Variants in SLC14A2 observed in about 807,000 individuals in gnomAD.
The protein encoded by SLC14A2 is urea transporter 2.
Under a neutral mutation model 104.6 loss-of-function variants are expected in SLC14A2, and 91 were observed. The ratio of observed to expected loss-of-function variants is 0.87; its 90% confidence interval spans 0.73 to 1.04. The LOEUF (loss-of-function observed/expected upper bound fraction) is 1.04. SLC14A2 is among the 50% of genes least tolerant of loss of function. SLC14A2 has a pLI of 0.00. For synonymous variants in SLC14A2, 476 were observed against 466.4 expected (o/e 1.02, Z -0.27); for missense variants, 1,189 against 1,156.0 (o/e 1.03, Z -0.41).
intron 1 of SLC14A2, among the ~76,000 whole-genome samples, chr18:45,446,502 C>A (rs2086772678): frequency 6.6e-6 from 1 of 152,170 alleles, no homozygotes; most frequent in Admixed American, 6.5e-5. Flanking sequence ...GACTTCCAGC[C>A]ACCAGAACTG....
intron 1 of SLC14A2, among the ~76,000 whole-genome samples, chr18:45,255,125 CA>C (rs1161278942): frequency 6.6e-6 from 1 of 152,154 alleles, no homozygotes; most frequent in Non-Finnish European, 1.5e-5. Flanking sequence ...CTTCTTTTCC[CA>C]TTCCCCCCGA....
intron 1 of SLC14A2, among the ~76,000 whole-genome samples, chr18:45,237,370 T>C (rs951399900): frequency 6.6e-6 from 1 of 152,140 alleles, no homozygotes; most frequent in Non-Finnish European, 1.5e-5. Flanking sequence ...AGGTGAGATA[T>C]AGATTCTAGG....
At chr18:45,514,519 A>G (rs965082153) in intron 2 of SLC14A2, among the ~76,000 whole-genome samples, 1 of 152,186 alleles carries the variant, frequency 6.6e-6, no homozygotes, top group Non-Finnish European at 1.5e-5. Context: ...GAGCTAGAAA[A>G]TCACTTAAAA....
intron 2 of SLC14A2, among the ~76,000 whole-genome samples, chr18:45,593,192 CTGTA>C (rs775493522): frequency 1.3e-5 from 2 of 152,084 alleles, no homozygotes. Context: ...GTGGCGGCGC[CTGTA>C]GTCCCAGCTA....
intron 1 of SLC14A2, among the ~76,000 whole-genome samples, chr18:45,328,900 G>A (rs1022719487): frequency 3.9e-5 from 6 of 152,136 alleles, no homozygotes; most frequent in East Asian, 3.8e-4. Context: ...TGCGAATCCC[G>A]CCCTAGATTT....
At chr18:45,614,074 C>A (rs2045019264), upstream of SLC14A2, among the ~76,000 whole-genome samples, 1 of 152,230 alleles carries the variant, frequency 6.6e-6, no homozygotes, top group South Asian at 2.1e-4. Flanking sequence ...GGTCCAGGGC[C>A]CCACTACTGC....
the SLC14A2 span, among the ~76,000 whole-genome samples, chr18:45,203,067 A>G: frequency 6.6e-6 from 1 of 152,174 alleles, no homozygotes; most frequent in Non-Finnish European, 1.5e-5. Context: ...CAAAATAATC[A>G]GGTCCTCACA....
At chr18:45,579,416 T>C (rs1267113568) in intron 2 of SLC14A2, among the ~76,000 whole-genome samples, 3 of 152,048 alleles carry the variant, frequency 2.0e-5, no homozygotes, top group East Asian at 3.9e-4. Context: ...ATCAATAGGG[T>C]TGGGGATGGT....
At chr18:45,505,222 A>G (rs1055680709) in intron 2 of SLC14A2, among the ~76,000 whole-genome samples, 1 of 152,128 alleles carries the variant, frequency 6.6e-6, no homozygotes, top group Admixed American at 6.5e-5. Context: ...CCAGTGTCTT[A>G]CATGCCTCAC....
chr18:45,527,287 G>C (rs1010767096), intron 2 of SLC14A2, among the ~76,000 whole-genome samples: 1 of 152,128 alleles, frequency 6.6e-6, no homozygotes, highest in South Asian at 2.1e-4. Context: ...CTCAGCTCCC[G>C]AGATGACGCT....
chr18:45,190,188 TC>T, the SLC14A2 span, among the ~76,000 whole-genome samples: 1 of 152,220 alleles, frequency 6.6e-6, no homozygotes, highest in African/African-American at 2.4e-5. Context: ...TGTTGACCTT[TC>T]TTCTTTAGTA....
intron 1 of SLC14A2, among the ~76,000 whole-genome samples, chr18:45,476,614 C>A (rs1237577978): frequency 6.6e-6 from 1 of 152,182 alleles, no homozygotes; most frequent in African/African-American, 2.4e-5. Flanking sequence ...CTTTCAGGTA[C>A]ACCAGTCAAA....
intron 1 of SLC14A2, among the ~76,000 whole-genome samples, chr18:45,475,642 GATATAT>G (rs137928157): frequency 0.068 from 3,334 of 48,754 alleles, 156 homozygotes; most frequent in Admixed American, 0.24. Context: ...ATATATTTAG[GATATAT>G]ATATATATAT....
chr18:45,458,436 CG>C (rs2086983685), intron 1 of SLC14A2, among the ~76,000 whole-genome samples: 1 of 152,094 alleles, frequency 6.6e-6, no homozygotes, highest in Non-Finnish European at 1.5e-5. Context: ...ACCCCACACT[CG>C]GGGTAACACT....
At chr18:45,341,422 C>T (rs1186276880) in intron 1 of SLC14A2, among the ~76,000 whole-genome samples, 2 of 152,138 alleles carry the variant, frequency 1.3e-5, no homozygotes, top group African/African-American at 4.8e-5. Context: ...AGAAAGTTCC[C>T]AGCTGAGGTT....
At chr18:45,225,753 T>C (rs1225934054) in intron 1 of SLC14A2, among the ~76,000 whole-genome samples, 1 of 152,202 alleles carries the variant, frequency 6.6e-6, no homozygotes, top group Non-Finnish European at 1.5e-5. Context: ...TTGAAGCAAT[T>C]GTGAATGGGA....
intron 1 of SLC14A2, among the ~76,000 whole-genome samples, chr18:45,250,755 CTTT>C (rs67864793): frequency 0.032 from 3,027 of 93,888 alleles, 93 homozygotes; most frequent in African/African-American, 0.1. Flanking sequence ...TGGCTTCTTC[CTTT>C]TTTTTTTTTT....
intron 2 of SLC14A2, among the ~76,000 whole-genome samples, chr18:45,606,481 G>A (rs1420074179): frequency 1.3e-5 from 2 of 152,028 alleles, no homozygotes; most frequent in Non-Finnish European, 2.9e-5. Flanking sequence ...TACCTCCAAG[G>A]CCACCACTGA....
At chr18:45,264,429 T>C (rs1748437098) in intron 1 of SLC14A2, among the ~76,000 whole-genome samples, 1 of 152,216 alleles carries the variant, frequency 6.6e-6, no homozygotes, top group Non-Finnish European at 1.5e-5. Flanking sequence ...TTACTAACTA[T>C]ATCACAGTAT....
Sources: gnomAD v4.1 joint callset for allele counts (sites outside exome capture counted in the v4.1 genomes callset) on GRCh38, gnomAD v4.1.1 for gene constraint, MANE v1.5 for transcripts, NCBI Gene and HGNC (gene_info 2026-07-23, HGNC 2026-07-21) for gene names.